SOD2: variants seen among roughly 807,000 people sequenced by gnomAD.
The protein encoded by SOD2 is superoxide dismutase [Mn], mitochondrial.
A neutral mutation model predicts 27.0 loss-of-function variants in SOD2; 11 were observed. That is an observed-to-expected ratio of 0.41 (90% confidence interval 0.26 to 0.67). SOD2 has a LOEUF of 0.67. Among genes scored for constraint, SOD2 ranks in the 30% least tolerant of loss-of-function variants. The pLI, the probability that SOD2 is intolerant of heterozygous loss-of-function variation, is 0.34. For missense variants in SOD2, 250 were observed against 274.5 expected, an observed-to-expected ratio of 0.91 and a Z score of 0.63; for synonymous variants, 105 against 103.0, an observed-to-expected ratio of 1.02 and a Z score of -0.12.
At chr6:159,738,886 T>C (rs1779076549) in intron 1 of SOD2, 3 of 829,348 alleles carry the variant, frequency 3.6e-6, no homozygotes, top group Non-Finnish European at 5.7e-6. Context: ...TAATATGTAC[T>C]GAGCCGTTTA....
At chr6:159,755,868 G>T in intron 1 of SOD2, 1 of 494,898 alleles carries the variant, frequency 2.0e-6, no homozygotes, top group Non-Finnish European at 3.0e-6. Flanking sequence ...TTTGTGTAGG[G>T]TCAAGTTATT....
rs557967659 is a variant in SOD2 at position 159,742,073 on chromosome 6, ATTT to A, written c.-116+3054_-116+3056del. On this transcript the variant is annotated intron_variant, in intron 1 of 3. Coordinates refer to the SOD2 transcript ENST00000537657. ...TTTTATCGTAACAACTAATGTATGG[ATTT>A]TTTTTTATTAGATGGAAACAATATG... 6.1e-5 allele frequency: 95 copies of A among 1,561,134 alleles called. 1 individual carries two copies. Among genetic ancestry groups the A allele is most frequent in the Non-Finnish European group, 8.0e-5 (92 of 1,145,334 alleles).
At chr6:159,727,172 C>T (rs1023052982) in exon 1 of SOD2, 1 of 1,204,076 alleles carries the variant, frequency 8.3e-7, no homozygotes, top group Non-Finnish European at 1.1e-6. Context: ...GCGCCAGGCT[C>T]CTGGGAAAGG....
upstream of SOD2, among the ~76,000 whole-genome samples, chr6:159,694,899 C>T (rs1365062137): frequency 6.6e-6 from 1 of 151,952 alleles, no homozygotes; most frequent in East Asian, 1.9e-4. Context: ...CCACGGCGCC[C>T]GGCCTATAGA....
upstream of SOD2, among the ~76,000 whole-genome samples, chr6:159,728,102 G>A (rs1398923148): frequency 6.6e-6 from 1 of 152,246 alleles, no homozygotes; most frequent in Non-Finnish European, 1.5e-5. Context: ...AGGAAAAAAA[G>A]AAACATTCGT....
At position 159,678,193 on chromosome 6, in the gene SOD2, T is replaced by A. The variant is rs1285762113; in HGVS notation, c.*4300A>T. The A allele has an allele frequency of 6.6e-6, 1 of 152,258 alleles. No individual in the cohort carries two copies. The highest frequency in any genetic ancestry group is 2.4e-5 in the African/African-American group (1 of 41,438). The allele number at this position is 152,258 out of a possible 1,614,324, so 9.4% of individuals were successfully genotyped here. On this transcript the variant is annotated 3_prime_UTR_variant, in exon 5 of 5. Transcript: ENST00000538183. ...ACCCCTTCCCACATGCCTTGCCCTG[T>A]GCATCTCTTCCATCTGGCTGTTCAT...
intron 1 of SOD2, among the ~76,000 whole-genome samples, chr6:159,758,890 G>A (rs997671608): frequency 2.6e-5 from 4 of 152,028 alleles, no homozygotes; most frequent in Admixed American, 2.0e-4. Context: ...ATCTTCCAGC[G>A]GGGGAAGATG....
intron 1 of SOD2, among the ~76,000 whole-genome samples, chr6:159,708,504 G>C (rs1777670209): frequency 6.6e-6 from 1 of 152,148 alleles, no homozygotes; most frequent in Non-Finnish European, 1.5e-5. Flanking sequence ...AATCATGAGT[G>C]AACTCCCATT....
chr6:159,729,604 A>C (rs1481393067), upstream of SOD2, among the ~76,000 whole-genome samples: 1 of 152,234 alleles, frequency 6.6e-6, no homozygotes, highest in Non-Finnish European at 1.5e-5. Context: ...TTGTGCTGAA[A>C]GCATTAATAT....
intron 3 of SOD2, among the ~76,000 whole-genome samples, 186 bp from the exon 4 acceptor site, chr6:159,685,219 C>CTTTTTTTTTTTTTTTTTTTTTTTTTTTTT (rs750824041): frequency 8.1e-5 from 6 of 73,912 alleles, no homozygotes; most frequent in African/African-American, 1.1e-4. Flanking sequence ...ATAACTTCAA[C>CTTTTTTTTTTTTTTTTTTTTTTTTTTTTT]TTTTTTTTTT....
At chr6:159,733,228 G>A (rs1778697187) in intron 1 of SOD2, among the ~76,000 whole-genome samples, 1 of 152,172 alleles carries the variant, frequency 6.6e-6, no homozygotes, top group African/African-American at 2.4e-5. Flanking sequence ...GTCTTCATAG[G>A]ACAGAGTGAC....
intron 1 of SOD2, among the ~76,000 whole-genome samples, chr6:159,742,491 C>G (rs1004786670): frequency 2.0e-5 from 3 of 151,968 alleles, no homozygotes; most frequent in Admixed American, 6.6e-5. Context: ...AGTTACTAGT[C>G]TAGAAGAGAA....
At chr6:159,762,258 G>A in exon 1 of SOD2, 1 of 1,340,164 alleles carries the variant, frequency 7.5e-7, no homozygotes, top group Non-Finnish European at 1.0e-6. Context: ...GTCAGGCCAA[G>A]CCGCGAGGAG....
At chr6:159,708,416 C>T (rs940325820) in intron 1 of SOD2, among the ~76,000 whole-genome samples, 2 of 152,324 alleles carry the variant, frequency 1.3e-5, no homozygotes, top group Non-Finnish European at 2.9e-5. Flanking sequence ...GCAACTTCGG[C>T]AAAGTCTCAG....
chr6:159,742,326 C>T (rs1264470925), intron 1 of SOD2, among the ~76,000 whole-genome samples: 2 of 152,150 alleles, frequency 1.3e-5, no homozygotes, highest in African/African-American at 4.8e-5. Context: ...CAGTCTCAGT[C>T]ATTGGAGAAG....
chr6:159,690,433 T>A, intron 2 of SOD2, among the ~76,000 whole-genome samples: 1 of 152,042 alleles, frequency 6.6e-6, no homozygotes. Flanking sequence ...CCGTCTGTTT[T>A]TTTTAGACAG....
At chr6:159,694,212 G>T (rs887931908), upstream of SOD2, among the ~76,000 whole-genome samples, 1 of 152,220 alleles carries the variant, frequency 6.6e-6, no homozygotes, top group African/African-American at 2.4e-5. Context: ...AGCCTAGTAA[G>T]CTGTTAAGTA....
rs1381476896 is a variant in SOD2 at position 159,678,149 on chromosome 6, G to C, written c.*4344C>G. ...GCTTCTGGGTAGCTGATGACGTGGAGAGAGCATGAAAGCTCCATACCCCTT... is the reference window on the plus strand; with the variant it reads ...GCTTCTGGGTAGCTGATGACGTGGACAGAGCATGAAAGCTCCATACCCCTT... On this transcript the variant is annotated 3_prime_UTR_variant, in exon 5 of 5. Coordinates refer to ENST00000538183, the MANE Select transcript of SOD2 (RefSeq NM_000636.4). 1 of 152,352 alleles carries C rather than the reference G, an allele frequency of 6.6e-6. No individual in the cohort carries two copies. The highest frequency in any genetic ancestry group is 2.4e-5 in the African/African-American group (1 of 41,568). 9.4% of individuals were successfully genotyped at this position (152,352 alleles called of 1,614,324 possible). A position where few individuals can be genotyped will look rare whatever the true frequency, so the allele number is the denominator to read the frequency against.
In SOD2 at chr6:159,679,445, T is replaced by C. The variant is rs974998648; in HGVS notation, c.*3048A>G. ...TCAATATACATAGATTTTAACTTTA[T>C]GGTTTGGTATTACTTTTTTAAAGGC... is the stretch of plus-strand genomic sequence containing the variant. On this transcript the variant is annotated 3_prime_UTR_variant, in exon 5 of 5. Transcript: ENST00000538183. 7 of 152,254 alleles carry C rather than the reference T, an allele frequency of 4.6e-5. No homozygotes were observed. The highest frequency in any genetic ancestry group is 1.7e-4 in the African/African-American group (7 of 41,470). 9.4% of individuals were successfully genotyped at this position (152,254 alleles called of 1,614,324 possible).
Sources: gnomAD v4.1 joint callset for allele counts (sites outside exome capture counted in the v4.1 genomes callset) on GRCh38, gnomAD v4.1.1 for gene constraint, MANE v1.5 for transcripts, NCBI Gene and HGNC (gene_info 2026-07-23, HGNC 2026-07-21) for gene names.